Variants in FTL observed in about 807,000 individuals in gnomAD.
FTL encodes epididymis secretory sperm binding protein.
FTL carries 17 observed loss-of-function variants against 16.6 expected under a neutral mutation model. The ratio of observed to expected loss-of-function variants is 1.02; its 90% CI spans 0.70 to 1.53. The LOEUF (loss-of-function observed/expected upper bound fraction) is 1.53, where lower values mean the gene tolerates loss of function less well. Among genes scored for constraint, FTL ranks in the 40% most tolerant of loss-of-function variants. FTL has a pLI of 0.00. For synonymous variants in FTL, 73 were observed against 89.9 expected, an observed-to-expected ratio of 0.81 and a Z score of 1.06; for missense variants, 186 against 226.1, an observed-to-expected ratio of 0.82 and a Z score of 1.14.
Position 48,965,847 on chromosome 19 carries a change from C to T in FTL, c.180C>T (p.Arg60=). The change falls in exon 2 of 4, where the codon CGC becomes CGT. Residue 60 remains arginine (R), a synonymous_variant. Coordinates refer to ENST00000331825, the MANE Select transcript of FTL (RefSeq NM_000146.4). ...HFFRELAEEK[R]EGYERLLKMQ... The stretch of plus-strand genomic sequence containing the variant: ...TCCGCGAATTGGCCGAGGAGAAGCG[C>T]GAGGGCTACGAGCGTCTCCTGAAGA... 2 of 1,614,164 alleles carry T rather than the reference C, an allele frequency of 1.2e-6. No individual in the cohort carries two copies. Among genetic ancestry groups the T allele is most frequent in the South Asian group, 2.2e-5 (2 of 91,088 alleles).
At chr19:48,965,714 G>C (rs1484164287) in intron 1 of FTL, 56 bp from the exon 2 acceptor site, 1 of 1,612,124 alleles carries the variant, frequency 6.2e-7, no homozygotes, top group African/African-American at 1.3e-5. Flanking sequence ...ACAGAGGGCG[G>C]AGTCCCCTTG....
chr19:48,965,664 C>A, intron 1 of FTL, 55 bp downstream of exon 1: 2 of 1,600,002 alleles, frequency 1.3e-6, no homozygotes, highest in South Asian at 1.1e-5. Context: ...CACCTCCGGC[C>A]CTCACTGCAC....
Position 48,965,612 on chromosome 19 carries a change from G to A in FTL, c.102+3G>A, listed in dbSNP as rs1488098074. On this transcript the variant is annotated splice_donor_region_variant and intron_variant, in intron 1 of 3. Transcript: ENST00000331825. ...CCTCCTACACCTACCTCTCTCTGGT[G>A]AGTCCCCAGGACGCCCCTGGCCCTA... 1.2e-6 allele frequency: 2 copies of A among 1,611,546 alleles called. No individual in the cohort carries two copies. Among genetic ancestry groups the A allele is most frequent in the African/African-American group, 2.7e-5 (2 of 74,880 alleles).
rs1246249572 is a variant in FTL at position 48,965,826 on chromosome 19, C to G, written c.159C>G (p.Arg53=). 6.2e-7 allele frequency: 1 copy of G among 1,614,056 alleles called. No individual in the cohort carries two copies. Among genetic ancestry groups the G allele is most frequent in the Non-Finnish European group, 8.5e-7 (1 of 1,180,036 alleles). ...VALEGVSHFF[R]ELAEEKREGY... The stretch of plus-strand genomic sequence containing the variant: ...TGGAAGGCGTGAGCCACTTCTTCCG[C>G]GAATTGGCCGAGGAGAAGCGCGAGG... Residue 53 remains arginine, a synonymous_variant, in exon 2 of 4, where the codon CGC becomes CGG. Transcript: ENST00000331825.
At position 48,965,394 on chromosome 19, in the gene FTL, C is replaced by T. The variant is rs1355293155; in HGVS notation, c.-114C>T. On this transcript the variant is annotated 5_prime_UTR_variant, in exon 1 of 4. Coordinates refer to ENST00000331825, the MANE Select transcript of FTL (RefSeq NM_000146.4). ...CGGGGACTCTCTTCCAGCCTCCGAC[C>T]GCCCTCCGATTTCCTCTCCGCTTGC... is the stretch of plus-strand genomic sequence containing the variant. 3 of 761,926 alleles carry T rather than the reference C, an allele frequency of 3.9e-6. No individual in the cohort carries two copies. Among genetic ancestry groups the T allele is most frequent in the East Asian group, 2.5e-5 (1 of 39,710 alleles). 47.2% of individuals were successfully genotyped at this position (761,926 alleles called of 1,614,324 possible).
rs374585952 is a variant in FTL, at chr19:48,965,499, C to T, written c.-9C>T. 2.1e-5 allele frequency: 33 copies of T among 1,604,626 alleles called. No homozygotes were observed. In the African/African-American group the frequency reaches 4.1e-4, roughly 20 times the overall value. On this transcript the variant is annotated 5_prime_UTR_variant, in exon 1 of 4. Coordinates refer to ENST00000331825, the MANE Select transcript of FTL (RefSeq NM_000146.4). ...GTTTTTGTGGTTAGCTCCTTCTTGCCAACCAACCATGAGCTCCCAGATTCG... is the reference window on the plus strand; with the variant it reads ...GTTTTTGTGGTTAGCTCCTTCTTGCTAACCAACCATGAGCTCCCAGATTCG...
rs769222073 is a variant in FTL, at chr19:48,965,756, A to G, written c.103-14A>G. 2.4e-5 allele frequency: 39 copies of G among 1,613,808 alleles called. No homozygotes were observed. Among genetic ancestry groups the G allele is most frequent in the African/African-American group, 6.7e-5 (5 of 74,834 alleles). ...CCTCCCGCTAACCATTGTTGCCTCC[A>G]TCTCTTCCCGTAGGGCTTCTATTTC... On this transcript the variant is annotated splice_polypyrimidine_tract_variant and intron_variant, in intron 1 of 3. Coordinates refer to ENST00000331825, the MANE Select transcript of FTL (RefSeq NM_000146.4).
rs1159340253 is a variant in FTL at position 48,966,147 on chromosome 19, C to T, written c.250-134C>T. On this transcript the variant is annotated intron_variant, in intron 2 of 3. Transcript: ENST00000331825. ...TAGCTGTAAGAGCTAGGACAGGGTG[C>T]GGAGAGTGATAAATACAAGCTGTCA... The T allele has an allele frequency of 1.2e-5, 17 of 1,367,562 alleles. 1 individual carries two copies. The highest frequency in any genetic ancestry group is 1.1e-4 in the East Asian group (5 of 43,682). 84.7% of individuals were successfully genotyped at this position (1,367,562 alleles called of 1,614,324 possible).
intron 2 of FTL, 33 bp downstream of exon 2, chr19:48,965,949 C>T (rs1227945877): frequency 1.2e-6 from 2 of 1,611,784 alleles, no homozygotes; most frequent in Non-Finnish European, 1.7e-6. Context: ...ACTACATCTC[C>T]CAGCAGGCCG....
chr19:48,966,190 G>A lies in FTL; in HGVS notation c.250-91G>A, dbSNP rs2038451754. On this transcript the variant is annotated intron_variant, in intron 2 of 3. Transcript: ENST00000331825. ...AGCTGTCACATGTCTTTGTGGCCTG[G>A]GCCTCTGACCCCCAACGACTCTTGG... The A allele has an allele frequency of 5.7e-6, 9 of 1,570,556 alleles. No individual in the cohort carries two copies. The East Asian group carries it at 1.8e-4, about 31-fold the overall frequency.
At chr19:48,966,246 G>A in intron 2 of FTL, 35 bp from the exon 3 acceptor site, 1 of 1,613,672 alleles carries the variant, frequency 6.2e-7, no homozygotes, top group Non-Finnish European at 8.5e-7. Context: ...TGTGCCGAGT[G>A]TGTGTATTCT....
intron 1 of FTL, 48 bp downstream of exon 1, chr19:48,965,657 C>A: frequency 6.2e-7 from 1 of 1,600,526 alleles, no homozygotes; most frequent in Non-Finnish European, 8.6e-7. Context: ...AGCTGCGCAC[C>A]TCCGGCCCTC....
At position 48,966,746 on chromosome 19, in the gene FTL, A is replaced by T. The variant is rs3211588; in HGVS notation, c.*11A>T. On this transcript the variant is annotated 3_prime_UTR_variant, in exon 4 of 4. Coordinates refer to ENST00000331825, the MANE Select transcript of FTL (RefSeq NM_000146.4). ...CTCAAGCACGACTAAGAGCCTTCTG[A>T]GCCCAGCGACTTCTGAAGGGCCCCT... is the stretch of plus-strand genomic sequence containing the variant. 1.2e-6 allele frequency: 2 copies of T among 1,612,320 alleles called. No individual in the cohort carries two copies. Among genetic ancestry groups the T allele is most frequent in the Non-Finnish European group, 1.7e-6 (2 of 1,179,878 alleles).
In FTL at chr19:48,965,607, C is replaced by G. The variant is rs11553192; in HGVS notation, c.100C>G (p.Leu34Val). ...GCAGGCCTCCTACACCTACCTCTCT[C>G]TGGTGAGTCCCCAGGACGCCCCTGG... ...YLQASYTYLS[L>V]GFYFDRDDVA... is the part of the protein sequence containing the mutation. Residue 34 changes from leucine to valine, a missense_variant and splice_region_variant, in exon 1 of 4, where the codon CTG (leucine) becomes GTG (valine). Leu to Val is a conservative substitution (Grantham distance 32, BLOSUM62 1). Transcript: ENST00000331825. 6.2e-7 allele frequency: 1 copy of G among 1,612,444 alleles called. No individual in the cohort carries two copies. Among genetic ancestry groups the G allele is most frequent in the South Asian group, 1.1e-5 (1 of 91,054 alleles).
At position 48,965,319 on chromosome 19, in the gene FTL, G is replaced by T. The variant is rs970038885; in HGVS notation, c.-189G>T. 3.2e-6 allele frequency: 2 copies of T among 621,734 alleles called. No individual in the cohort carries two copies. The highest frequency in any genetic ancestry group is 5.9e-6 in the Non-Finnish European group (2 of 338,994). The allele number at this position is 621,734 out of a possible 1,614,324, so 38.5% of individuals were successfully genotyped here. On this transcript the variant is annotated 5_prime_UTR_variant, in exon 1 of 4. Transcript: ENST00000331825. Reference sequence around the variant, plus strand: ...TAGCCACGTCCCCTCGCAGTTCGGCGGTCCCGCGGGTCTGTCTCTTGCTTC... The same window carrying T: ...TAGCCACGTCCCCTCGCAGTTCGGCTGTCCCGCGGGTCTGTCTCTTGCTTC...
Position 48,966,767 on chromosome 19 carries a change from C to A in FTL, c.*32C>A, listed in dbSNP as rs11553249. On this transcript the variant is annotated 3_prime_UTR_variant, in exon 4 of 4. Transcript: ENST00000331825. The stretch of plus-strand genomic sequence containing the variant: ...TCTGAGCCCAGCGACTTCTGAAGGG[C>A]CCCTTGCAAAGTAATAGGGCTTCTG... 1 of 1,610,864 alleles carries A rather than the reference C, an allele frequency of 6.2e-7. No homozygotes were observed. The highest frequency in any genetic ancestry group is 1.7e-5 in the Admixed American group (1 of 59,978).
chr19:48,966,823 C>T lies in FTL; in HGVS notation c.*88C>T, dbSNP rs1803581. 7.3e-7 allele frequency: 1 copy of T among 1,361,638 alleles called. No individual in the cohort carries two copies. Among genetic ancestry groups the T allele is most frequent in the South Asian group, 1.2e-5 (1 of 84,758 alleles). 84.3% of individuals were successfully genotyped at this position (1,361,638 alleles called of 1,614,324 possible). On this transcript the variant is annotated 3_prime_UTR_variant, in exon 4 of 4. Coordinates refer to ENST00000331825, the MANE Select transcript of FTL (RefSeq NM_000146.4). ...GCCTCTCCCTCCAGCCAATAGGCAGCTTTCTTAACTATCCTAACAAGCCTT... is the reference window on the plus strand; with the variant it reads ...GCCTCTCCCTCCAGCCAATAGGCAGTTTTCTTAACTATCCTAACAAGCCTT...
chr19:48,966,317 G>A lies in FTL; in HGVS notation c.286G>A (p.Ala96Thr), dbSNP rs104894685. ...AGATGAGTGGGGTAAAACCCCAGAC[G>A]CCATGAAAGCTGCCATGGCCCTGGA... is the stretch of plus-strand genomic sequence containing the variant. Reference protein sequence around the residue: ...AEDEWGKTPDAMKAAMALEKK... With the variant: ...AEDEWGKTPDTMKAAMALEKK... Residue 96 changes from alanine (A) to threonine (T), a missense_variant, in exon 3 of 4, where the codon GCC becomes ACC. Transcript: ENST00000331825. 6 of 1,613,974 alleles carry A rather than the reference G, an allele frequency of 3.7e-6. No homozygotes were observed. Among genetic ancestry groups the A allele is most frequent in the Non-Finnish European group, 5.1e-6 (6 of 1,180,010 alleles).
rs1163221672 is a variant in FTL, at chr19:48,965,433, A to G, written c.-75A>G. The G allele has an allele frequency of 9.2e-6, 9 of 981,644 alleles. No homozygotes were observed. Among genetic ancestry groups the G allele is most frequent in the East Asian group, 2.4e-5 (1 of 42,062 alleles). The allele number at this position is 981,644 out of a possible 1,614,324, so 60.8% of individuals were successfully genotyped here. On this transcript the variant is annotated 5_prime_UTR_variant, in exon 1 of 4. Coordinates refer to ENST00000331825, the MANE Select transcript of FTL (RefSeq NM_000146.4). Reference sequence around the variant, plus strand: ...CTCTCCGCTTGCAACCTCCGGGACCATCTTCTCGGCCATCTCCTGCTTCTG... The same window carrying G: ...CTCTCCGCTTGCAACCTCCGGGACCGTCTTCTCGGCCATCTCCTGCTTCTG...
Sources: allele counts gnomAD v4.1 joint callset, GRCh38; gene constraint gnomAD v4.1.1; transcripts MANE v1.5; gene names NCBI Gene and HGNC (gene_info 2026-07-23, HGNC 2026-07-21).